PIK3C2G: variants seen among roughly 807,000 people sequenced by gnomAD.
PIK3C2G encodes phosphatidylinositol-4-phosphate 3-kinase catalytic subunit type 2 gamma.
In PIK3C2G, 168 loss-of-function variants were observed where a neutral mutation model predicts 181.1. The observed-to-expected ratio is 0.93, with a 90% CI of 0.82 to 1.05. The LOEUF (loss-of-function observed/expected upper bound fraction) is 1.05. Ranked by LOEUF, PIK3C2G falls within the 50% of genes least tolerant of loss-of-function variation. The probability of loss-of-function intolerance (pLI) is 0.00; values close to 1 mark genes in which losing one functional copy is unlikely to be tolerated. For synonymous variants in PIK3C2G, 573 were observed against 592.2 expected, an observed-to-expected ratio of 0.97 and a Z score of 0.47; for missense variants, 1,869 against 1,732.8, an observed-to-expected ratio of 1.08 and a Z score of -1.40.
rs549586514 is a variant in PIK3C2G at position 18,316,483 on chromosome 12, AG to A, written c.1137+2420del. ...AATCACAGTGGGAATTAAGTTACAT[AG>A]TTCTTTTTGATGCTTCATGGTTCAA... On this transcript the variant is annotated intron_variant, in intron 6 of 32. Transcript: ENST00000538779. 1.7e-3 allele frequency among the ~76,000 whole-genome samples: 253 copies of A among 152,270 alleles called. 1 individual carries two copies. The highest frequency in any genetic ancestry group is 5.8e-3 in the African/African-American group (241 of 41,548).
upstream of PIK3C2G, among the ~76,000 whole-genome samples, chr12:18,260,947 T>A (rs140854553): frequency 1.7e-3 from 252 of 152,252 alleles, 7 homozygotes; most frequent in East Asian, 0.046. Context: ...TATTTTGCTG[T>A]TCCTTTTCAG....
Position 18,503,430 on chromosome 12 carries a change from G to A in PIK3C2G, c.3153+13G>A. The A allele has an allele frequency of 6.4e-7, 1 of 1,572,376 alleles. No individual in the cohort carries two copies. Among genetic ancestry groups the A allele is most frequent in the Non-Finnish European group, 8.6e-7 (1 of 1,158,102 alleles). On this transcript the variant is annotated intron_variant, in intron 23 of 32. Transcript: ENST00000538779. ...AGATTATGAAAAGGTTTGTCCTGTT[G>A]CAGATCATTTTAAATAATGTACTTA...
chr12:18,518,553 T>C (rs905596174), intron 24 of PIK3C2G, among the ~76,000 whole-genome samples: 27 of 152,180 alleles, frequency 1.8e-4, no homozygotes, highest in African/African-American at 6.3e-4. Flanking sequence ...TGATGGTAGT[T>C]TGTATTTCTG....
intron 25 of PIK3C2G, 63 bp downstream of exon 25, chr12:18,538,375 T>C (rs1488411039): frequency 6.9e-7 from 1 of 1,441,050 alleles, no homozygotes; most frequent in African/African-American, 1.4e-5. Context: ...GCTTCAGTAG[T>C]CTATTTTTAC....
At chr12:18,700,051 C>G in the PIK3C2G span, 1 of 1,012,526 alleles carries the variant, frequency 9.9e-7, no homozygotes, top group Non-Finnish European at 1.5e-6. Context: ...TGATTTTCAT[C>G]TTTTCATAAG....
chr12:18,281,338 C>T (rs17475062), intron 1 of PIK3C2G, among the ~76,000 whole-genome samples: 8,860 of 147,590 alleles, frequency 0.06, 397 homozygotes, highest in Non-Finnish European at 0.092. Flanking sequence ...TCCAGTGTCA[C>T]GGAAAGCCAA....
At chr12:18,317,388 A>G (rs1950915562) in intron 6 of PIK3C2G, among the ~76,000 whole-genome samples, 1 of 152,068 alleles carries the variant, frequency 6.6e-6, no homozygotes, top group Non-Finnish European at 1.5e-5. Flanking sequence ...TTAAAACTTT[A>G]AGGATTTACT....
chr12:18,724,932 T>TCAAA, the PIK3C2G span, among the ~76,000 whole-genome samples: 1 of 152,148 alleles, frequency 6.6e-6, no homozygotes, highest in Non-Finnish European at 1.5e-5. Context: ...TTTATTACTT[T>TCAAA]CAAACAGAGT....
chr12:18,325,054 A>G lies in PIK3C2G; in HGVS notation c.1228A>G (p.Ile410Val), dbSNP rs756421600. The G allele has an allele frequency of 1.3e-6, 2 of 1,572,356 alleles. No homozygotes were observed. Among genetic ancestry groups the G allele is most frequent in the East Asian group, 4.5e-5 (2 of 44,616 alleles). The change falls in exon 8 of 33, where the codon ATC becomes GTC. Residue 410 changes from isoleucine to valine, a missense_variant. By Grantham distance (29) the Ile-to-Val change is conservative (BLOSUM62 3). Coordinates refer to ENST00000538779, the MANE Select transcript of PIK3C2G (RefSeq NM_001288772.2). ...KVSRQCLLTL[I>V]RKYDFHLKYL... ...TTCCAGACAATGTCTCTTAACACTC[A>G]TCAGAAAATATGACTTCCACCTGAA...
chr12:18,490,632 T>C (rs963617270), intron 19 of PIK3C2G, among the ~76,000 whole-genome samples: 1 of 152,194 alleles, frequency 6.6e-6, no homozygotes, highest in Admixed American at 6.5e-5. Flanking sequence ...ACATGTGATA[T>C]TTGTCTTCCT....
At chr12:18,399,364 A>G (rs995425590) in intron 15 of PIK3C2G, among the ~76,000 whole-genome samples, 9 of 151,614 alleles carry the variant, frequency 5.9e-5, no homozygotes, top group Non-Finnish European at 1.0e-4. Flanking sequence ...AGATTTTGCC[A>G]ACCAAAATGA....
At chr12:18,719,463 T>C in the PIK3C2G span, 3 of 1,558,100 alleles carry the variant, frequency 1.9e-6, no homozygotes. Flanking sequence ...TTGGTCCCAA[T>C]AATTGATCAG....
At chr12:18,439,525 G>C (rs1372400144) in intron 18 of PIK3C2G, among the ~76,000 whole-genome samples, 1 of 151,978 alleles carries the variant, frequency 6.6e-6, no homozygotes, top group Admixed American at 6.6e-5. Flanking sequence ...ACTTCTTCAA[G>C]TTCATCAGAC....
intron 16 of PIK3C2G, among the ~76,000 whole-genome samples, chr12:18,407,390 A>G (rs1189450101): frequency 6.6e-6 from 1 of 152,136 alleles, no homozygotes; most frequent in Admixed American, 6.6e-5. Context: ...CCTCCTTAAT[A>G]TTAGTCCCAA....
chr12:18,545,929 T>A (rs1323537349), intron 25 of PIK3C2G, among the ~76,000 whole-genome samples: 1 of 151,946 alleles, frequency 6.6e-6, no homozygotes, highest in Non-Finnish European at 1.5e-5. Flanking sequence ...TTATTTTATA[T>A]CTATTTTAAA....
intron 1 of PIK3C2G, among the ~76,000 whole-genome samples, chr12:18,271,214 C>T (rs1470870360): frequency 6.6e-6 from 1 of 152,006 alleles, no homozygotes; most frequent in Non-Finnish European, 1.5e-5. Flanking sequence ...TTCGCTACTG[C>T]CCCATGTCTC....
At chr12:18,324,295 T>A (rs1360485951) in intron 7 of PIK3C2G, among the ~76,000 whole-genome samples, 2 of 152,130 alleles carry the variant, frequency 1.3e-5, no homozygotes, top group East Asian at 1.9e-4. Flanking sequence ...TTACATATTC[T>A]ATGCATTTTG....
At chr12:18,254,393 A>T (rs1212040891) in intron 1 of PIK3C2G, among the ~76,000 whole-genome samples, 2 of 152,102 alleles carry the variant, frequency 1.3e-5, no homozygotes, top group Non-Finnish European at 2.9e-5. Context: ...TATTTAAATT[A>T]ATCTAATGAT....
intron 12 of PIK3C2G, among the ~76,000 whole-genome samples, chr12:18,366,003 C>A (rs1178179218): frequency 6.6e-6 from 1 of 152,118 alleles, no homozygotes; most frequent in African/African-American, 2.4e-5. Flanking sequence ...GTCTAAAAAA[C>A]CATCATCTCT....
Sources: gnomAD v4.1 joint callset for allele counts (sites outside exome capture counted in the v4.1 genomes callset) on GRCh38, gnomAD v4.1.1 for gene constraint, MANE v1.5 for transcripts, NCBI Gene and HGNC (gene_info 2026-07-23, HGNC 2026-07-21) for gene names.